Variants in ERC2 observed in about 807,000 individuals in gnomAD.
The protein encoded by ERC2 is ERC protein 2.
In ERC2, 42 loss-of-function variants were observed where a neutral mutation model predicts 114.8. The ratio of observed to expected loss-of-function variants is 0.37; its 90% CI spans 0.29 to 0.47. The LOEUF (loss-of-function observed/expected upper bound fraction) is 0.47. Ranked by LOEUF, ERC2 falls within the 20% of genes least tolerant of loss-of-function variation. The pLI is 0.99. For synonymous variants in ERC2, 454 were observed against 425.5 expected (o/e 1.07, Z -0.82); for missense variants, 939 against 1,150.7 (o/e 0.82, Z 2.66).
chr3:56,446,107 AT>A (rs570524720), intron 1 of ERC2, among the ~76,000 whole-genome samples: 7 of 152,110 alleles, frequency 4.6e-5, no homozygotes, highest in Non-Finnish European at 7.4e-5. Flanking sequence ...GGTTTGGAAA[AT>A]GTGAAATCTT....
At chr3:56,182,436 C>A (rs1334366643) in intron 3 of ERC2, among the ~76,000 whole-genome samples, 1 of 152,178 alleles carries the variant, frequency 6.6e-6, no homozygotes, top group Non-Finnish European at 1.5e-5. Flanking sequence ...ACAGTACTTT[C>A]GACCAAAAGG....
intron 3 of ERC2, among the ~76,000 whole-genome samples, chr3:56,187,892 C>T (rs2083724693): frequency 6.6e-6 from 1 of 152,130 alleles, no homozygotes; most frequent in Non-Finnish European, 1.5e-5. Context: ...CTGTTATCAT[C>T]CCACTCTAAC....
intron 17 of ERC2, among the ~76,000 whole-genome samples, chr3:55,561,664 G>A (rs887982291): frequency 1.3e-5 from 2 of 152,022 alleles, no homozygotes; most frequent in Non-Finnish European, 2.9e-5. Context: ...TAGGCATGGT[G>A]GGCTACTCGC....
intron 1 of ERC2, among the ~76,000 whole-genome samples, chr3:56,467,896 G>A (rs1053794889): frequency 1.3e-5 from 2 of 152,086 alleles, no homozygotes; most frequent in African/African-American, 4.8e-5. Context: ...GCAGAAGAGG[G>A]GGATCTGAGA....
At chr3:55,867,796 G>A (rs1418147521) in intron 14 of ERC2, among the ~76,000 whole-genome samples, 1 of 152,066 alleles carries the variant, frequency 6.6e-6, no homozygotes, top group East Asian at 1.9e-4. Context: ...GAGATGTAAT[G>A]TCACTGCTAT....
chr3:56,434,284 T>A, intron 2 of ERC2, 67 bp downstream of exon 2: 1 of 1,470,054 alleles, frequency 6.8e-7, no homozygotes, highest in Non-Finnish European at 9.3e-7. Context: ...CGTGGTACCA[T>A]CTGCAAAGCA....
intron 4 of ERC2, among the ~76,000 whole-genome samples, chr3:56,166,116 T>G (rs947365454): frequency 6.6e-6 from 1 of 152,042 alleles, no homozygotes; most frequent in Non-Finnish European, 1.5e-5. Context: ...GATGTTGCAT[T>G]AATCAAATGC....
chr3:56,114,895 C>A (rs1394281501), intron 6 of ERC2, among the ~76,000 whole-genome samples: 1 of 152,122 alleles, frequency 6.6e-6, no homozygotes, highest in Non-Finnish European at 1.5e-5. Flanking sequence ...TGCTTGGGGA[C>A]CAGATTGTCT....
At chr3:56,088,865 T>G (rs1259143607) in intron 6 of ERC2, among the ~76,000 whole-genome samples, 1 of 152,128 alleles carries the variant, frequency 6.6e-6, no homozygotes, top group Non-Finnish European at 1.5e-5. Context: ...CCTCAATAAA[T>G]TTTTGCTATT....
At chr3:55,654,445 T>C (rs1283663606) in intron 17 of ERC2, among the ~76,000 whole-genome samples, 1 of 152,250 alleles carries the variant, frequency 6.6e-6, no homozygotes, top group Non-Finnish European at 1.5e-5. Flanking sequence ...GGACAAAATA[T>C]GCTTTCCATA....
chr3:56,366,830 G>A (rs2059169014), intron 2 of ERC2, among the ~76,000 whole-genome samples: 1 of 152,162 alleles, frequency 6.6e-6, no homozygotes, highest in Admixed American at 6.5e-5. Context: ...TTGGACAAAC[G>A]TTTCTGTGAC....
intron 2 of ERC2, among the ~76,000 whole-genome samples, chr3:56,310,333 T>C (rs1300180427): frequency 6.6e-6 from 1 of 152,232 alleles, no homozygotes; most frequent in Non-Finnish European, 1.5e-5. Context: ...CATATACAGT[T>C]ATTATAGGAC....
intron 3 of ERC2, among the ~76,000 whole-genome samples, chr3:56,201,337 G>T (rs1338779192): frequency 6.6e-6 from 1 of 152,172 alleles, no homozygotes; most frequent in African/African-American, 2.4e-5. Flanking sequence ...ATGTGAAAAT[G>T]CCCATTTAGT....
intron 13 of ERC2, among the ~76,000 whole-genome samples, chr3:55,920,050 G>C (rs542373108): frequency 6.6e-6 from 1 of 152,180 alleles, no homozygotes; most frequent in East Asian, 1.9e-4. Flanking sequence ...GTCTACATTG[G>C]TTAGGAATAC....
intron 14 of ERC2, among the ~76,000 whole-genome samples, chr3:55,785,754 C>T (rs929030006): frequency 6.6e-6 from 1 of 152,212 alleles, no homozygotes; most frequent in African/African-American, 2.4e-5. Context: ...CAGCTCTGCA[C>T]CATCTTCAGC....
At chr3:55,748,196 C>G (rs2066431026) in intron 14 of ERC2, among the ~76,000 whole-genome samples, 1 of 152,200 alleles carries the variant, frequency 6.6e-6, no homozygotes, top group African/African-American at 2.4e-5. Flanking sequence ...TTACTGGAAG[C>G]AGGAACATTT....
At position 56,317,453 on chromosome 3, in the gene ERC2, C is replaced by T. The variant is rs182729751; in HGVS notation, c.658-21018G>A. 2.0e-4 allele frequency among the ~76,000 whole-genome samples: 31 copies of T among 152,128 alleles called. No homozygotes were observed. In the South Asian group the frequency reaches 3.3e-3, roughly 16 times the overall value. On this transcript the variant is annotated intron_variant, in intron 2 of 17. Coordinates refer to ENST00000288221, the MANE Select transcript of ERC2 (RefSeq NM_015576.3). ...AAGGGCACTTCATTCAGCAGGGGGG[C>T]GACGTAAATGGAGTGTTTAGCACCA...
intron 3 of ERC2, among the ~76,000 whole-genome samples, chr3:56,215,287 G>T (rs544994913): frequency 6.6e-6 from 1 of 152,124 alleles, no homozygotes; most frequent in African/African-American, 2.4e-5. Flanking sequence ...AAAATAAAGG[G>T]ATGGAGGAAG....
rs1576118256 is a variant in ERC2, at chr3:55,683,650, C to G, written c.*39+144G>C. The G allele has an allele frequency of 4.8e-5, 31 of 650,314 alleles. No individual in the cohort carries two copies. The East Asian group carries it at 9.4e-4, about 20-fold the overall frequency. The allele number at this position is 650,314 out of a possible 1,614,324, so 40.3% of individuals were successfully genotyped here. A position where few individuals can be genotyped will look rare whatever the true frequency, so the allele number is the denominator to read the frequency against. ...AGGGGGCTCTTGGGAAGGGTCAGGG[C>G]ACGCGGACATTCTGCGCTCACAGAA... On this transcript the variant is annotated intron_variant, in intron 17 of 17. Coordinates refer to ENST00000288221, the MANE Select transcript of ERC2 (RefSeq NM_015576.3).
Sources: allele counts gnomAD v4.1 joint callset (sites outside exome capture counted in the v4.1 genomes callset), GRCh38; gene constraint gnomAD v4.1.1; transcripts MANE v1.5; gene names NCBI Gene and HGNC (gene_info 2026-07-23, HGNC 2026-07-21).